The following GRIN2B variants were observed in gnomAD, a reference collection of about 807,000 sequenced individuals.
GRIN2B encodes the protein glutamate ionotropic receptor NMDA type subunit 2B, also known as glutamate receptor ionotropic, NMDA 2B.
GRIN2B carries 5 observed loss-of-function variants against 114.5 expected under a neutral mutation model. That is an observed-to-expected ratio of 0.04 (90% CI 0.02 to 0.09). The LOEUF (loss-of-function observed/expected upper bound fraction) is 0.09, where lower values mean the gene tolerates loss of function less well. GRIN2B is among the 10% of genes least tolerant of loss of function. GRIN2B has a pLI of 1.00. For missense variants in GRIN2B, 1,108 were observed against 1,943.5 expected, an observed-to-expected ratio of 0.57 and a Z score of 8.08; for synonymous variants, 787 against 745.1, an observed-to-expected ratio of 1.06 and a Z score of -0.92.
intron 4 of GRIN2B, among the ~76,000 whole-genome samples, chr12:13,701,647 C>T (rs932977895): frequency 2.0e-5 from 3 of 152,126 alleles, no homozygotes; most frequent in Non-Finnish European, 4.4e-5. Flanking sequence ...ACAACTGCAC[C>T]ATCCAGGCAA....
chr12:13,926,873 A>C (rs900013450), intron 2 of GRIN2B, among the ~76,000 whole-genome samples: 2 of 152,034 alleles, frequency 1.3e-5, no homozygotes, highest in African/African-American at 4.8e-5. Flanking sequence ...GAATGGCGTG[A>C]ACCCAGGAGG....
At chr12:13,569,142 G>A (rs1948676385) in intron 12 of GRIN2B, among the ~76,000 whole-genome samples, 1 of 152,134 alleles carries the variant, frequency 6.6e-6, no homozygotes, top group Non-Finnish European at 1.5e-5. Flanking sequence ...ATTATAGCCT[G>A]CAACCCAGAA....
intron 3 of GRIN2B, among the ~76,000 whole-genome samples, chr12:13,834,787 A>G (rs1865225746): frequency 1.3e-5 from 2 of 152,214 alleles, no homozygotes; most frequent in South Asian, 4.1e-4. Flanking sequence ...AGCAATCACC[A>G]TCTAAGCCAG....
chr12:13,866,364 C>A (rs1227507963), intron 2 of GRIN2B, 138 bp from the exon 3 acceptor site: 2 of 736,562 alleles, frequency 2.7e-6, no homozygotes, highest in Non-Finnish European at 4.7e-6. Flanking sequence ...CCAGCCTACT[C>A]TCTTATCTCT....
At chr12:13,728,743 T>C (rs1212337836) in intron 4 of GRIN2B, among the ~76,000 whole-genome samples, 1 of 152,144 alleles carries the variant, frequency 6.6e-6, no homozygotes, top group East Asian at 1.9e-4. Flanking sequence ...ATGGAAGGAT[T>C]GGTGGGTGGA....
chr12:13,784,215 C>T (rs1180668596), intron 3 of GRIN2B, among the ~76,000 whole-genome samples: 2 of 93,460 alleles, frequency 2.1e-5, no homozygotes, highest in South Asian at 4.4e-4. Context: ...CAGAGTGAGA[C>T]TTCGCCTCAA....
rs1461989835 is a variant in GRIN2B, at chr12:13,542,911, ATGCCCTTCT to A, written c.*19863_*19871del. Reference sequence around the variant, plus strand: ...CATGCCCTGGGGCCTGGAGGTGGAGATGCCCTTCTTGCCCCTCATTGCCATTCCAGACCA... The same window carrying A: ...CATGCCCTGGGGCCTGGAGGTGGAGATGCCCCTCATTGCCATTCCAGACCA... On this transcript the variant is annotated 3_prime_UTR_variant, in exon 14 of 14. Transcript: ENST00000609686. The A allele has an allele frequency of 6.6e-6, 1 of 151,932 alleles. No individual in the cohort carries two copies. The highest frequency in any genetic ancestry group is 1.5e-5 in the Non-Finnish European group (1 of 68,014). The allele number at this position is 151,932 out of a possible 1,614,324, so 9.4% of individuals were successfully genotyped here.
chr12:13,963,975 C>T (rs192268987), intron 2 of GRIN2B, among the ~76,000 whole-genome samples: 74 of 152,208 alleles, frequency 4.9e-4, no homozygotes, highest in Admixed American at 1.2e-3. Context: ...GAGAACCTTA[C>T]GAGAAATTTT....
intron 5 of GRIN2B, among the ~76,000 whole-genome samples, chr12:13,655,945 T>G (rs1949859088): frequency 6.6e-6 from 1 of 152,220 alleles, no homozygotes; most frequent in Non-Finnish European, 1.5e-5. Flanking sequence ...CTGCCTTAGA[T>G]GGAGTCTGTG....
intron 5 of GRIN2B, among the ~76,000 whole-genome samples, chr12:13,628,499 CT>C (rs1402480172): frequency 6.6e-6 from 1 of 152,196 alleles, no homozygotes; most frequent in African/African-American, 2.4e-5. Flanking sequence ...ACTGATAGAT[CT>C]TAGACATACT....
intron 4 of GRIN2B, among the ~76,000 whole-genome samples, chr12:13,739,695 A>G (rs769864518): frequency 6.6e-6 from 1 of 152,180 alleles, no homozygotes; most frequent in Non-Finnish European, 1.5e-5. Flanking sequence ...TTCTAAACAC[A>G]CAAGTGTCCA....
At chr12:13,880,517 G>A (rs770792881) in intron 2 of GRIN2B, among the ~76,000 whole-genome samples, 12 of 152,098 alleles carry the variant, frequency 7.9e-5, no homozygotes, top group Non-Finnish European at 1.6e-4. Flanking sequence ...GACTGAAACC[G>A]CAGCTGCCTC....
intron 3 of GRIN2B, among the ~76,000 whole-genome samples, chr12:13,818,014 G>T (rs1425027469): frequency 6.6e-6 from 1 of 152,098 alleles, no homozygotes; most frequent in African/African-American, 2.4e-5. Flanking sequence ...GTAAAAAGAG[G>T]CCTGAATAAT....
chr12:13,592,659 GC>G (rs1407799842), intron 10 of GRIN2B, among the ~76,000 whole-genome samples: 1 of 152,064 alleles, frequency 6.6e-6, no homozygotes, highest in Non-Finnish European at 1.5e-5. Context: ...TTCAGAGCTG[GC>G]CCCCATACTT....
chr12:13,662,014 G>A lies in GRIN2B; in HGVS notation c.1125+13731C>T, dbSNP rs1378383199. 2.6e-5 allele frequency among the ~76,000 whole-genome samples: 4 copies of A among 152,300 alleles called. No homozygotes were observed. In the East Asian group the frequency reaches 7.7e-4, roughly 29 times the overall value. On this transcript the variant is annotated intron_variant, in intron 5 of 13. Transcript: ENST00000609686. ...GGTCAACTGGAGACAAGGAAGTGAA[G>A]TAATTTCCGTAACAGCTGTGAAAGA... is the stretch of plus-strand genomic sequence containing the variant.
chr12:13,697,343 A>G (rs1383032829), intron 4 of GRIN2B, among the ~76,000 whole-genome samples: 1 of 152,148 alleles, frequency 6.6e-6, no homozygotes, highest in Non-Finnish European at 1.5e-5. Flanking sequence ...TGAGTCTATC[A>G]GGGCTTCTGA....
intron 3 of GRIN2B, among the ~76,000 whole-genome samples, chr12:13,836,418 C>A (rs188431968): frequency 1.3e-5 from 2 of 152,280 alleles, no homozygotes; most frequent in African/African-American, 4.8e-5. Flanking sequence ...ACCTGGAAAC[C>A]ATGCCTAAAT....
At chr12:13,611,880 G>C (rs769660087) in intron 8 of GRIN2B, 30 bp from the exon 9 acceptor site, 1 of 1,610,646 alleles carries the variant, frequency 6.2e-7, no homozygotes, top group Admixed American at 1.7e-5. Flanking sequence ...AGTGCTCAGG[G>C]TTAGAACAGA....
At chr12:13,756,651 G>A (rs1863582164) in intron 3 of GRIN2B, among the ~76,000 whole-genome samples, 1 of 152,132 alleles carries the variant, frequency 6.6e-6, no homozygotes, top group Admixed American at 6.5e-5. Context: ...GGGATGAAAG[G>A]GATCCCAGTG....
Sources: allele counts gnomAD v4.1 joint callset (sites outside exome capture counted in the v4.1 genomes callset), GRCh38; gene constraint gnomAD v4.1.1; transcripts MANE v1.5; gene names NCBI Gene and HGNC (gene_info 2026-07-23, HGNC 2026-07-21).